The following AP5M1 variants were observed in gnomAD, a reference collection of about 807,000 sequenced individuals.
The protein encoded by AP5M1 is AP-5 complex subunit mu-1.
In AP5M1, 44 loss-of-function variants were observed where a neutral mutation model predicts 52.3. That is an observed-to-expected ratio of 0.84 (90% confidence interval 0.66 to 1.08). The LOEUF is 1.08. Among genes scored for constraint, AP5M1 ranks in the 50% least tolerant of loss-of-function variants. The probability of loss-of-function intolerance (pLI) is 0.00; values close to 1 mark genes in which losing one functional copy is unlikely to be tolerated. For missense variants in AP5M1, 526 were observed against 568.4 expected, an observed-to-expected ratio of 0.93 and a Z score of 0.76; for synonymous variants, 213 against 199.0, an observed-to-expected ratio of 1.07 and a Z score of -0.59.
In AP5M1 at chr14:57,298,116, G is replaced by A. The variant is rs1163260378; in HGVS notation, c.*9232G>A. The A allele has an allele frequency of 6.6e-6, 1 of 152,122 alleles. No homozygotes were observed. The highest frequency in any genetic ancestry group is 2.4e-5 in the African/African-American group (1 of 41,426). The allele number at this position is 152,122 out of a possible 1,614,324, so 9.4% of individuals were successfully genotyped here. A position where few individuals can be genotyped will look rare whatever the true frequency, so the allele number is the denominator to read the frequency against. On this transcript the variant is annotated 3_prime_UTR_variant, in exon 8 of 8. Transcript: ENST00000261558. ...TAAAACATTTGGCACTCGTATCTTA[G>A]AAATGTCCTTCCGAAACTCACTCTA...
chr14:57,295,622 T>TATTTC lies in AP5M1; in HGVS notation c.*6739_*6743dup, dbSNP rs1353633702. On this transcript the variant is annotated 3_prime_UTR_variant, in exon 8 of 8. Transcript: ENST00000261558. ...AGAAAATAAATAACTTTTAACATAGTATTTCTCAACTATGTTACTTCAAAA... is the reference window on the plus strand; with the variant it reads ...AGAAAATAAATAACTTTTAACATAGTATTTCATTTCTCAACTATGTTACTTCAAAA... 6.6e-6 allele frequency: 1 copy of TATTTC among 151,918 alleles called. No individual in the cohort carries two copies. The highest frequency in any genetic ancestry group is 2.1e-4 in the South Asian group (1 of 4,830). 9.4% of individuals were successfully genotyped at this position (151,918 alleles called of 1,614,324 possible). A position where few individuals can be genotyped will look rare whatever the true frequency, so the allele number is the denominator to read the frequency against.
At chr14:57,286,170 T>C (rs1445478677) in intron 6 of AP5M1, 53 bp from the exon 7 acceptor site, 3 of 1,227,558 alleles carry the variant, frequency 2.4e-6, no homozygotes, top group Admixed American at 3.8e-5. Context: ...AATGTAACCA[T>C]GCTTTTTACC....
chr14:57,285,978 T>C lies in AP5M1; in HGVS notation c.1294-245T>C, dbSNP rs116480510. On this transcript the variant is annotated intron_variant, in intron 6 of 7. Coordinates refer to ENST00000261558, the MANE Select transcript of AP5M1 (RefSeq NM_018229.4). ...AGAGCTGTTAGTGAAGTGCGTATTATGTGTTAAGTACTTCATAATGACAGC... is the reference window on the plus strand; with the variant it reads ...AGAGCTGTTAGTGAAGTGCGTATTACGTGTTAAGTACTTCATAATGACAGC... 7.5e-3 allele frequency among the ~76,000 whole-genome samples: 1,137 copies of C among 152,246 alleles called. 21 individuals are homozygous for C. Among genetic ancestry groups the C allele is most frequent in the African/African-American group, 0.025 (1,053 of 41,530 alleles).
chr14:57,278,823 T>C (rs772340619), intron 2 of AP5M1, among the ~76,000 whole-genome samples: 2 of 152,052 alleles, frequency 1.3e-5, no homozygotes, highest in Non-Finnish European at 2.9e-5. Context: ...GGTAGAAAAT[T>C]TTTAAGCAGG....
intron 4 of AP5M1, 24 bp downstream of exon 4, chr14:57,282,252 A>G (rs1458160475): frequency 6.7e-7 from 1 of 1,483,022 alleles, no homozygotes; most frequent in Non-Finnish European, 8.9e-7. Flanking sequence ...GCATATTGCC[A>G]TAATTTCTGT....
chr14:57,291,422 G>A lies in AP5M1; in HGVS notation c.*2538G>A, dbSNP rs1035284516. 6 of 151,544 alleles carry A rather than the reference G, an allele frequency of 4.0e-5. No individual in the cohort carries two copies. The highest frequency in any genetic ancestry group is 1.2e-4 in the African/African-American group (5 of 41,318). The allele number at this position is 151,544 out of a possible 1,614,324, so 9.4% of individuals were successfully genotyped here. On this transcript the variant is annotated 3_prime_UTR_variant, in exon 8 of 8. Transcript: ENST00000261558. ...TTTAGAATGAACTCCAGAAAAGATC[G>A]TTCATGATTTTGTAAACGCTTCTTT...
At chr14:57,279,531 T>G (rs1885121366) in intron 2 of AP5M1, among the ~76,000 whole-genome samples, 1 of 151,916 alleles carries the variant, frequency 6.6e-6, no homozygotes, top group Non-Finnish European at 1.5e-5. Context: ...CTGTCAGTTG[T>G]GGGGGTTAGA....
chr14:57,281,309 C>T (rs961336578), intron 3 of AP5M1, among the ~76,000 whole-genome samples: 1 of 152,106 alleles, frequency 6.6e-6, no homozygotes, highest in African/African-American at 2.4e-5. Flanking sequence ...TTCCAAACCT[C>T]GTTTCTACTA....
chr14:57,294,272 C>A lies in AP5M1; in HGVS notation c.*5388C>A, dbSNP rs1885503720. On this transcript the variant is annotated 3_prime_UTR_variant, in exon 8 of 8. Transcript: ENST00000261558. ...TTTTCCAGTAGGATGTGAAATTTTG[C>A]ACTTCTAATCTGTTGAACATTTAAA... 6.6e-6 allele frequency: 1 copy of A among 151,758 alleles called. No homozygotes were observed. Among genetic ancestry groups the A allele is most frequent in the South Asian group, 2.1e-4 (1 of 4,828 alleles). 9.4% of individuals were successfully genotyped at this position (151,758 alleles called of 1,614,324 possible).
rs1885494974 is a variant in AP5M1, at chr14:57,293,913, A to G, written c.*5029A>G. Reference sequence around the variant, plus strand: ...TAATAGTAATGAAATGATTCATTAAACTGAAAATTGCAAAGGAACTCATGA... The same window carrying G: ...TAATAGTAATGAAATGATTCATTAAGCTGAAAATTGCAAAGGAACTCATGA... On this transcript the variant is annotated 3_prime_UTR_variant, in exon 8 of 8. Coordinates refer to ENST00000261558, the MANE Select transcript of AP5M1 (RefSeq NM_018229.4). 1 of 151,636 alleles carries G rather than the reference A, an allele frequency of 6.6e-6. No homozygotes were observed. The highest frequency in any genetic ancestry group is 2.4e-5 in the African/African-American group (1 of 41,376). The allele number at this position is 151,636 out of a possible 1,614,324, so 9.4% of individuals were successfully genotyped here.
intron 2 of AP5M1, among the ~76,000 whole-genome samples, chr14:57,279,643 G>GTAA (rs1885125531): frequency 6.6e-6 from 1 of 152,132 alleles, no homozygotes; most frequent in Non-Finnish European, 1.5e-5. Flanking sequence ...GTTTACATAT[G>GTAA]TAACAAACCT....
At chr14:57,277,169 G>T (rs1359462480) in intron 2 of AP5M1, among the ~76,000 whole-genome samples, 1 of 149,442 alleles carries the variant, frequency 6.7e-6, no homozygotes, top group African/African-American at 2.5e-5. Flanking sequence ...TACTTCTAAA[G>T]TTGGGTTACA....
In AP5M1 at chr14:57,269,239, C is replaced by T. The variant is rs1467843170; in HGVS notation, c.-76C>T. ...CTCAGGGCTTCTGTTAAGAGTCTGT[C>T]TGAGAAAGCCGGTCTGCGCTGTTCC... On this transcript the variant is annotated 5_prime_UTR_variant, in exon 1 of 8. Coordinates refer to ENST00000261558, the MANE Select transcript of AP5M1 (RefSeq NM_018229.4). 1 of 1,409,658 alleles carries T rather than the reference C, an allele frequency of 7.1e-7. No homozygotes were observed. Among genetic ancestry groups the T allele is most frequent in the Admixed American group, 1.8e-5 (1 of 55,998 alleles). 87.3% of individuals were successfully genotyped at this position (1,409,658 alleles called of 1,614,324 possible). A position where few individuals can be genotyped will look rare whatever the true frequency, so the allele number is the denominator to read the frequency against.
Position 57,269,105 on chromosome 14 carries a change from A to T in AP5M1, c.-210A>T, listed in dbSNP as rs1884805538. The stretch of plus-strand genomic sequence containing the variant: ...CAAGGTTATAGGTTGGGGTTCTTAG[A>T]ACTTTTTGTGGTGTGTGTTGGCCTA... On this transcript the variant is annotated 5_prime_UTR_variant, in exon 1 of 8. Transcript: ENST00000261558. 4 of 584,954 alleles carry T rather than the reference A, an allele frequency of 6.8e-6. No individual in the cohort carries two copies. The highest frequency in any genetic ancestry group is 3.3e-5 in the Admixed American group (1 of 30,078). The allele number at this position is 584,954 out of a possible 1,614,324, so 36.2% of individuals were successfully genotyped here. A position where few individuals can be genotyped will look rare whatever the true frequency, so the allele number is the denominator to read the frequency against.
rs1191811554 is a variant in AP5M1 at position 57,290,211 on chromosome 14, A to T, written c.*1327A>T. The T allele has an allele frequency of 6.6e-6, 1 of 151,970 alleles. No homozygotes were observed. Among genetic ancestry groups the T allele is most frequent in the Non-Finnish European group, 1.5e-5 (1 of 67,906 alleles). The allele number at this position is 151,970 out of a possible 1,614,324, so 9.4% of individuals were successfully genotyped here. A position where few individuals can be genotyped will look rare whatever the true frequency, so the allele number is the denominator to read the frequency against. ...GGATTTGAAATATGATTTTTTAATT[A>T]AGGTCAGTCCTACTCATAAACTCAT... On this transcript the variant is annotated 3_prime_UTR_variant, in exon 8 of 8. Transcript: ENST00000261558.
chr14:57,291,231 G>A lies in AP5M1; in HGVS notation c.*2347G>A, dbSNP rs920702120. On this transcript the variant is annotated 3_prime_UTR_variant, in exon 8 of 8. Transcript: ENST00000261558. ...GATGCTTTGCGTTTGCAGTGAATAT[G>A]AGCAACTACTTCCAGTGAAAGATTT... 2 of 151,862 alleles carry A rather than the reference G, an allele frequency of 1.3e-5. No homozygotes were observed. The highest frequency in any genetic ancestry group is 2.9e-5 in the Non-Finnish European group (2 of 67,888). 9.4% of individuals were successfully genotyped at this position (151,862 alleles called of 1,614,324 possible). A position where few individuals can be genotyped will look rare whatever the true frequency, so the allele number is the denominator to read the frequency against.
At chr14:57,281,908 A>T (rs770842303) in intron 3 of AP5M1, among the ~76,000 whole-genome samples, 181 bp from the exon 4 acceptor site, 1 of 152,194 alleles carries the variant, frequency 6.6e-6, no homozygotes, top group Non-Finnish European at 1.5e-5. Context: ...CGCTTTTCTC[A>T]TCTCCGAAAA....
In AP5M1 at chr14:57,269,284, T is replaced by C. The variant is rs774803819; in HGVS notation, c.-31T>C. ...TGTTCCTCGGTGGCGACCTTAATTATGAGATGAGCTAATGCTTTACTGACT... is the reference window on the plus strand; with the variant it reads ...TGTTCCTCGGTGGCGACCTTAATTACGAGATGAGCTAATGCTTTACTGACT... On this transcript the variant is annotated 5_prime_UTR_variant, in exon 1 of 8. The change abolishes an upstream ATG in the 5' untranslated region. Coordinates refer to ENST00000261558, the MANE Select transcript of AP5M1 (RefSeq NM_018229.4). 39 of 1,602,582 alleles carry C rather than the reference T, an allele frequency of 2.4e-5. 1 individual carries two copies. The Admixed American group carries it at 6.0e-4, about 25-fold the overall frequency.
At chr14:57,269,489 C>T (rs753269919) in intron 1 of AP5M1, 101 bp downstream of exon 1, 11 of 1,175,430 alleles carry the variant, frequency 9.4e-6, no homozygotes, top group Non-Finnish European at 1.4e-5. Context: ...CGAATAGCTG[C>T]GTGACCTTGG....
Sources: gnomAD v4.1 joint callset for allele counts (sites outside exome capture counted in the v4.1 genomes callset) on GRCh38, gnomAD v4.1.1 for gene constraint, MANE v1.5 for transcripts, NCBI Gene and HGNC (gene_info 2026-07-23, HGNC 2026-07-21) for gene names.